The following NTRK2 variants were observed in gnomAD, a reference collection of about 807,000 sequenced individuals.
NTRK2 encodes BDNF/NT-3 growth factors receptor.
In NTRK2, 13 loss-of-function variants were observed where a neutral mutation model predicts 94.5. That is an observed-to-expected ratio of 0.14 (90% CI 0.09 to 0.22). NTRK2 has a LOEUF of 0.22. Ranked by LOEUF, NTRK2 falls within the 10% of genes least tolerant of loss-of-function variation. The probability of loss-of-function intolerance (pLI) is 1.00; values close to 1 mark genes in which losing one functional copy is unlikely to be tolerated. For synonymous variants in NTRK2, 372 were observed against 407.4 expected (o/e 0.91, Z 1.05); for missense variants, 639 against 1,071.2 (o/e 0.60, Z 5.63).
At chr9:84,981,481 G>A (rs1827611707) in intron 17 of NTRK2, among the ~76,000 whole-genome samples, 1 of 151,968 alleles carries the variant, frequency 6.6e-6, no homozygotes, top group African/African-American at 2.4e-5. Context: ...ACATATTTGT[G>A]TATGTAGTTA....
intron 12 of NTRK2, chr9:84,811,476 C>G: frequency 9.4e-7 from 1 of 1,065,656 alleles, no homozygotes; most frequent in Non-Finnish European, 1.1e-6. Flanking sequence ...CCTCTGCGAT[C>G]CACCTGCTTT....
chr9:84,875,481 C>T, intron 14 of NTRK2: 6 of 1,063,130 alleles, frequency 5.6e-6, no homozygotes, highest in Non-Finnish European at 6.8e-6. Flanking sequence ...CAGATAACTC[C>T]AAATGCAGTT....
chr9:84,726,686 A>T (rs2062484683), intron 8 of NTRK2, among the ~76,000 whole-genome samples: 1 of 152,210 alleles, frequency 6.6e-6, no homozygotes, highest in Non-Finnish European at 1.5e-5. Context: ...TTCTTGTTCC[A>T]GATCTGCCTT....
intron 12 of NTRK2, among the ~76,000 whole-genome samples, chr9:84,792,424 G>T (rs1188992446): frequency 6.6e-6 from 1 of 152,138 alleles, no homozygotes; most frequent in Non-Finnish European, 1.5e-5. Context: ...AAATATCATT[G>T]GATTTCCCTG....
Position 84,933,574 on chromosome 9 carries a change from G to A in NTRK2, c.1634-588G>A, listed in dbSNP as rs145135961. ...AAGGAAGCTAGTCCTTAATGCAGAC[G>A]TCTAGATGTTTCTGATCCAAACAAA... On this transcript the variant is annotated intron_variant, in intron 14 of 18. Transcript: ENST00000277120. Among the ~76,000 whole-genome samples, 8 of 152,340 alleles carry A rather than the reference G, an allele frequency of 5.3e-5. No homozygotes were observed. The East Asian group carries it at 1.3e-3, about 26-fold the overall frequency.
At chr9:84,891,025 T>A (rs1421646571) in intron 14 of NTRK2, among the ~76,000 whole-genome samples, 2 of 152,322 alleles carry the variant, frequency 1.3e-5, no homozygotes, top group Admixed American at 1.3e-4. Context: ...TAAGAACAAT[T>A]TACTTTTCCC....
Position 85,022,817 on chromosome 9 carries a change from C to T in NTRK2, c.*1380C>T, listed in dbSNP as rs974340941. 8.6e-6 allele frequency: 2 copies of T among 233,092 alleles called. No homozygotes were observed. The highest frequency in any genetic ancestry group is 5.6e-5 in the Admixed American group (1 of 17,780). The allele number at this position is 233,092 out of a possible 1,614,324, so 14.4% of individuals were successfully genotyped here. A position where few individuals can be genotyped will look rare whatever the true frequency, so the allele number is the denominator to read the frequency against. ...TGATGGGTTTTAATGAATATGGACC[C>T]TGAAGCCTGGAAATCCTCATCCACG... On this transcript the variant is annotated 3_prime_UTR_variant, in exon 19 of 19. Transcript: ENST00000277120.
chr9:84,996,208 G>A (rs1829729821), intron 17 of NTRK2, among the ~76,000 whole-genome samples: 1 of 152,216 alleles, frequency 6.6e-6, no homozygotes. Flanking sequence ...CCTCTCTAAA[G>A]ATGTAACCCC....
chr9:84,810,562 A>T, intron 12 of NTRK2: 1 of 1,613,976 alleles, frequency 6.2e-7, no homozygotes, highest in South Asian at 1.1e-5. Flanking sequence ...GTTTCATAAG[A>T]TCCCACTGGA....
At chr9:84,706,950 G>C (rs1241302836) in intron 4 of NTRK2, among the ~76,000 whole-genome samples, 1 of 152,110 alleles carries the variant, frequency 6.6e-6, no homozygotes, top group African/African-American at 2.4e-5. Context: ...TATGAAAGTT[G>C]ATGTTTATTT....
intron 12 of NTRK2, among the ~76,000 whole-genome samples, chr9:84,784,918 A>G (rs1410598179): frequency 6.6e-6 from 1 of 152,314 alleles, no homozygotes. Flanking sequence ...TTATATCCTT[A>G]GTGAGTGTTT....
At chr9:84,867,922 C>T (rs1367892410) in intron 14 of NTRK2, among the ~76,000 whole-genome samples, 1 of 152,212 alleles carries the variant, frequency 6.6e-6, no homozygotes, top group Non-Finnish European at 1.5e-5. Flanking sequence ...GAGTTCCCAG[C>T]ATGAGGCCTT....
intron 9 of NTRK2, among the ~76,000 whole-genome samples, chr9:84,733,507 A>G (rs1352217925): frequency 1.3e-5 from 2 of 152,214 alleles, no homozygotes; most frequent in African/African-American, 4.8e-5. Flanking sequence ...AACACTTGAG[A>G]CAACGTAGAC....
chr9:84,878,631 TAAA>T (rs35468448), intron 14 of NTRK2, among the ~76,000 whole-genome samples: 31 of 135,614 alleles, frequency 2.3e-4, no homozygotes, highest in Non-Finnish European at 3.4e-4. Context: ...AGACTATGTC[TAAA>T]AAAAAAAAAA....
In NTRK2 at chr9:84,708,875, T is replaced by TGACACAGG. The variant is rs2061265990; in HGVS notation, c.428+964_428+965insACACAGGG. On this transcript the variant is annotated intron_variant, in intron 5 of 18. Transcript: ENST00000277120. ...TGAATTCAGGACGTTGAAGCACTAA[T>TGACACAGG]GCTTCTAACACAGGAATAGGCATGA... Among the ~76,000 whole-genome samples, 7 of 152,358 alleles carry TGACACAGG rather than the reference T, an allele frequency of 4.6e-5. No individual in the cohort carries two copies. The South Asian group carries it at 1.4e-3, about 32-fold the overall frequency.
At chr9:84,961,628 T>A (rs1036760497) in intron 17 of NTRK2, among the ~76,000 whole-genome samples, 1 of 152,308 alleles carries the variant, frequency 6.6e-6, no homozygotes, top group East Asian at 1.9e-4. Flanking sequence ...ATTTTATCAG[T>A]ACATGTTTAT....
Position 84,859,402 on chromosome 9 carries a change from G to A in NTRK2, c.1397-1638G>A, listed in dbSNP as rs537094730. Among the ~76,000 whole-genome samples, 12 of 152,284 alleles carry A rather than the reference G, an allele frequency of 7.9e-5. 1 individual carries two copies. In the South Asian group the frequency reaches 2.5e-3, roughly 32 times the overall value. On this transcript the variant is annotated intron_variant, in intron 12 of 18. Transcript: ENST00000277120. ...TAGTGTTGTAGCAATTTGATAACCTGTATTGAGAACCTTCACAATATTCAT... is the reference window on the plus strand; with the variant it reads ...TAGTGTTGTAGCAATTTGATAACCTATATTGAGAACCTTCACAATATTCAT...
chr9:84,724,327 A>G lies in NTRK2; in HGVS notation c.824A>G (p.Asp275Gly). Residue 275 changes from aspartate (D) to glycine (G), a missense_variant, in exon 8 of 19, where the codon GAT (aspartate) becomes GGT (glycine). Coordinates refer to ENST00000277120, the MANE Select transcript of NTRK2 (RefSeq NM_006180.6). ...GTGGCGGAAAATCTTGTAGGAGAAGATCAAGATTCTGTCAACCTCACTGTG... is the reference window on the plus strand; with the variant it reads ...GTGGCGGAAAATCTTGTAGGAGAAGGTCAAGATTCTGTCAACCTCACTGTG... ...SCVAENLVGE[D>G]QDSVNLTVHF... 6.2e-7 allele frequency: 1 copy of G among 1,614,212 alleles called. No homozygotes were observed. The highest frequency in any genetic ancestry group is 8.5e-7 in the Non-Finnish European group (1 of 1,180,018).
At position 84,876,506 on chromosome 9, in the gene NTRK2, C is replaced by T. The variant is rs2076073013; in HGVS notation, c.1633+9075C>T. On this transcript the variant is annotated intron_variant, in intron 14 of 18. Transcript: ENST00000277120. ...CTACTGAGGAATAGAGAGGCACTAA[C>T]TGCTTTACCCAGGATCAGAACTCAT... The T allele has an allele frequency of 5.7e-6, 6 of 1,055,600 alleles. No homozygotes were observed. In the East Asian group the frequency reaches 2.7e-4, roughly 47 times the overall value. The allele number at this position is 1,055,600 out of a possible 1,614,324, so 65.4% of individuals were successfully genotyped here.
Sources: allele counts gnomAD v4.1 joint callset (sites outside exome capture counted in the v4.1 genomes callset), GRCh38; gene constraint gnomAD v4.1.1; transcripts MANE v1.5; gene names NCBI Gene and HGNC (gene_info 2026-07-23, HGNC 2026-07-21).